CCDC92: variants seen among roughly 807,000 people sequenced by gnomAD.
CCDC92 encodes the protein coiled-coil domain containing 92.
In CCDC92, 12 loss-of-function variants were observed where a neutral mutation model predicts 24.9. The ratio of observed to expected loss-of-function variants is 0.48; its 90% confidence interval spans 0.31 to 0.78. The LOEUF is 0.78. CCDC92 is among the 30% of genes least tolerant of loss of function. The probability of loss-of-function intolerance (pLI) is 0.05; values close to 1 mark genes in which losing one functional copy is unlikely to be tolerated. For missense variants in CCDC92, 399 were observed against 439.4 expected (o/e 0.91, Z 0.82); for synonymous variants, 193 against 196.3 (o/e 0.98, Z 0.14).
intron 1 of CCDC92, among the ~76,000 whole-genome samples, chr12:123,956,970 C>T (rs1167934739): frequency 6.6e-6 from 1 of 152,176 alleles, no homozygotes; most frequent in African/African-American, 2.4e-5. Context: ...TTTTCTTATT[C>T]TTACTGTCCT....
intron 1 of CCDC92, among the ~76,000 whole-genome samples, chr12:123,963,105 G>A (rs1350413553): frequency 6.6e-6 from 1 of 152,158 alleles, no homozygotes; most frequent in African/African-American, 2.4e-5. Flanking sequence ...AGTGGGCAGG[G>A]CCAGGGGTGC....
chr12:123,937,256 G>T lies in CCDC92; in HGVS notation c.798C>A (p.Pro266=). 6.2e-7 allele frequency: 1 copy of T among 1,611,528 alleles called. No homozygotes were observed. The stretch of plus-strand genomic sequence containing the variant: ...CGCCGCTTCGGTCGGAGGCGATGGG[G>T]GGGATGACGAGGGGCCTCTCTTTGA... The part of the protein sequence containing the change: ...HLIKERPLVI[P]PIASDRSGEQ... The change falls in exon 5 of 5, where the codon CCC becomes CCA. Residue 266 remains proline, a synonymous_variant. Coordinates refer to ENST00000238156, the MANE Select transcript of CCDC92 (RefSeq NM_025140.3). This position sits in a 1 kb window ranked among gnomAD's most constrained non-coding sequence, Gnocchi z 8.4.
At chr12:123,967,955 A>G (rs1186873195) in intron 1 of CCDC92, 3 of 152,282 alleles carry the variant, frequency 2.0e-5, no homozygotes, top group Non-Finnish European at 4.4e-5. Flanking sequence ...GATTTTATGC[A>G]GACCTAAATT....
intron 4 of CCDC92, among the ~76,000 whole-genome samples, chr12:123,941,089 C>T (rs1052589624): frequency 6.6e-5 from 10 of 152,234 alleles, no homozygotes; most frequent in African/African-American, 2.2e-4. Context: ...CAGGGCAAAA[C>T]TATGCTGCTT....
intron 1 of CCDC92, among the ~76,000 whole-genome samples, chr12:123,953,374 C>G (rs547551128): frequency 8.0e-6 from 1 of 125,010 alleles, no homozygotes; most frequent in Non-Finnish European, 1.8e-5. Context: ...CTATATTTAC[C>G]GACAAGGTAA....
At chr12:123,965,391 A>T (rs1956368357) in intron 1 of CCDC92, among the ~76,000 whole-genome samples, 1 of 152,224 alleles carries the variant, frequency 6.6e-6, no homozygotes, top group Admixed American at 6.5e-5. Context: ...TCTGTCCAGA[A>T]GTCAAAGTTT....
chr12:123,948,550 G>A (rs1309579701), intron 1 of CCDC92, among the ~76,000 whole-genome samples: 3 of 152,218 alleles, frequency 2.0e-5, no homozygotes, highest in South Asian at 2.1e-4. Context: ...CACAGTGAGC[G>A]CTGGTGAGCC....
chr12:123,960,023 C>A (rs1376790113), intron 1 of CCDC92, among the ~76,000 whole-genome samples: 1 of 152,228 alleles, frequency 6.6e-6, no homozygotes, highest in Non-Finnish European at 1.5e-5. Flanking sequence ...CAACTGCCAT[C>A]ATCATCATGC....
intron 1 of CCDC92, chr12:123,961,151 G>C (rs1956263242): frequency 6.6e-6 from 1 of 152,240 alleles, no homozygotes; most frequent in Admixed American, 6.5e-5. Context: ...GTCCATGAAG[G>C]GTGAAGGGCT....
rs1955747248 is a variant in CCDC92, at chr12:123,943,344, T to C, written c.181+3A>G. The C allele has an allele frequency of 1.9e-6, 3 of 1,612,492 alleles. No individual in the cohort carries two copies. Among genetic ancestry groups the C allele is most frequent in the African/African-American group, 1.3e-5 (1 of 75,046 alleles). On this transcript the variant is annotated splice_donor_region_variant and intron_variant, in intron 3 of 4. Transcript: ENST00000238156. ...GCCTGCCCGGGCCTGCTCCCCGATGTACCTGTGCAGTGCTGCTGCAGCCGC... is the reference window on the plus strand; with the variant it reads ...GCCTGCCCGGGCCTGCTCCCCGATGCACCTGTGCAGTGCTGCTGCAGCCGC...
intron 1 of CCDC92, among the ~76,000 whole-genome samples, chr12:123,968,789 T>A (rs1201273952): frequency 6.6e-6 from 1 of 152,240 alleles, no homozygotes; most frequent in Non-Finnish European, 1.5e-5. Context: ...GTAACTATTT[T>A]AAAAGACGTT....
At chr12:123,961,449 G>A (rs968574208) in intron 1 of CCDC92, among the ~76,000 whole-genome samples, 11 of 152,228 alleles carry the variant, frequency 7.2e-5, no homozygotes, top group African/African-American at 2.7e-4. Flanking sequence ...GAAGGAACAT[G>A]AGACCATTAA....
At chr12:123,968,016 C>T (rs960538778) in intron 1 of CCDC92, 21 of 152,220 alleles carry the variant, frequency 1.4e-4, no homozygotes, top group Admixed American at 1.1e-3. Flanking sequence ...TTTGTAGAAG[C>T]AGAGTATTAT....
At position 123,936,953 on chromosome 12, in the gene CCDC92, G is replaced by A. The variant is rs148500117; in HGVS notation, c.*105C>T. On this transcript the variant is annotated 3_prime_UTR_variant, in exon 5 of 5. Transcript: ENST00000238156. ...GCAGAAGGAGAATGGGTCGGTAGGT[G>A]TGAAAAGTGTTTGGCATGCATGGGA... 3.6e-4 allele frequency: 476 copies of A among 1,304,700 alleles called. 2 individuals are homozygous for A. The African/African-American group carries it at 6.0e-3, about 16-fold the overall frequency. The allele number at this position is 1,304,700 out of a possible 1,614,324, so 80.8% of individuals were successfully genotyped here.
In CCDC92 at chr12:123,945,293, A is replaced by G. The variant is rs575064740; in HGVS notation, c.-59-929T>C. Reference sequence around the variant, plus strand: ...GAGCAGCATTCCGGCAGGAGTGAGAAAGGATGTTTCTGTCCCCGAAACCGT... The same window carrying G: ...GAGCAGCATTCCGGCAGGAGTGAGAGAGGATGTTTCTGTCCCCGAAACCGT... On this transcript the variant is annotated intron_variant, in intron 1 of 4. Coordinates refer to ENST00000238156, the MANE Select transcript of CCDC92 (RefSeq NM_025140.3). The G allele has an allele frequency of 6.6e-5, 10 of 152,302 alleles. No homozygotes were observed. The East Asian group carries it at 1.9e-3, about 29-fold the overall frequency. 9.4% of individuals were successfully genotyped at this position (152,302 alleles called of 1,614,324 possible). A position where few individuals can be genotyped will look rare whatever the true frequency, so the allele number is the denominator to read the frequency against.
chr12:123,936,747 C>T lies in CCDC92; in HGVS notation c.*311G>A, dbSNP rs1454992991. The T allele has an allele frequency of 1.4e-5, 7 of 498,480 alleles. No individual in the cohort carries two copies. Among genetic ancestry groups the T allele is most frequent in the Admixed American group, 1.1e-4 (3 of 26,966 alleles). The allele number at this position is 498,480 out of a possible 1,614,324, so 30.9% of individuals were successfully genotyped here. ...AATTAGGTGTGTGACTGTGTGGCATCGTGAACATCAGTAGTGACGCAGCCG... is the reference window on the plus strand; with the variant it reads ...AATTAGGTGTGTGACTGTGTGGCATTGTGAACATCAGTAGTGACGCAGCCG... On this transcript the variant is annotated 3_prime_UTR_variant, in exon 5 of 5. Transcript: ENST00000238156.
intron 1 of CCDC92, among the ~76,000 whole-genome samples, chr12:123,946,983 G>A (rs926704677): frequency 2.6e-5 from 4 of 152,126 alleles, no homozygotes; most frequent in Non-Finnish European, 5.9e-5. Flanking sequence ...GTGCGGCGGC[G>A]CTTGCAGGCC....
At chr12:123,940,470 C>T (rs961184716) in intron 4 of CCDC92, among the ~76,000 whole-genome samples, 16 of 152,204 alleles carry the variant, frequency 1.1e-4, no homozygotes, top group African/African-American at 2.4e-4. Context: ...TTGAGTGGGC[C>T]GTCCTGTGGG....
intron 4 of CCDC92, among the ~76,000 whole-genome samples, chr12:123,940,908 G>A (rs2137891411): frequency 1.3e-5 from 2 of 152,208 alleles, no homozygotes; most frequent in Non-Finnish European, 2.9e-5. Context: ...TCACCACTGG[G>A]AGGGGAGACG....
Sources: allele counts gnomAD v4.1 joint callset (sites outside exome capture counted in the v4.1 genomes callset), GRCh38; gene constraint gnomAD v4.1.1; non-coding constraint Gnocchi (gnomAD v3.1); transcripts MANE v1.5; gene names NCBI Gene and HGNC (gene_info 2026-07-23, HGNC 2026-07-21).